ZNF804B: variants seen among roughly 807,000 people sequenced by gnomAD.
ZNF804B encodes the protein zinc finger 804B.
Under a neutral mutation model 101.4 loss-of-function variants are expected in ZNF804B, and 80 were observed. That is an observed-to-expected ratio of 0.79 (90% CI 0.66 to 0.95). The LOEUF (loss-of-function observed/expected upper bound fraction) is 0.95. Among genes scored for constraint, ZNF804B ranks in the 40% least tolerant of loss-of-function variants. The pLI is 0.00. For synonymous variants in ZNF804B, 622 were observed against 558.8 expected (o/e 1.11, Z -1.59); for missense variants, 1,673 against 1,561.9 (o/e 1.07, Z -1.20).
At chr7:89,082,695 T>A (rs1789713158) in intron 1 of ZNF804B, among the ~76,000 whole-genome samples, 2 of 151,770 alleles carry the variant, frequency 1.3e-5, no homozygotes, top group Admixed American at 1.3e-4. Flanking sequence ...TAAACTAACT[T>A]TTATGACTGA....
At chr7:89,035,153 T>C (rs1196626324) in intron 1 of ZNF804B, among the ~76,000 whole-genome samples, 1 of 152,144 alleles carries the variant, frequency 6.6e-6, no homozygotes, top group Non-Finnish European at 1.5e-5. Flanking sequence ...TGTTCTAAAC[T>C]AGATATCACA....
chr7:88,957,194 T>G (rs1379704389), intron 1 of ZNF804B, among the ~76,000 whole-genome samples: 2 of 151,486 alleles, frequency 1.3e-5, no homozygotes, highest in Non-Finnish European at 3.0e-5. Context: ...TCCCCACATC[T>G]TAGAGTTTAT....
intron 1 of ZNF804B, among the ~76,000 whole-genome samples, chr7:89,117,385 C>A (rs1790327072): frequency 6.6e-6 from 1 of 152,164 alleles, no homozygotes. Flanking sequence ...TCTCATATGT[C>A]TCTTCCAAAT....
chr7:89,254,360 C>A (rs1279815295), intron 2 of ZNF804B, among the ~76,000 whole-genome samples: 1 of 151,262 alleles, frequency 6.6e-6, no homozygotes, highest in Non-Finnish European at 1.5e-5. Context: ...ACAATAACAT[C>A]AAAAATATGA....
chr7:89,306,749 T>C (rs1790567682), intron 2 of ZNF804B, among the ~76,000 whole-genome samples: 1 of 151,778 alleles, frequency 6.6e-6, no homozygotes, highest in Non-Finnish European at 1.5e-5. Context: ...TTTATAGAAA[T>C]GGTTATAACT....
intron 1 of ZNF804B, among the ~76,000 whole-genome samples, chr7:88,952,321 CG>C (rs1793236185): frequency 6.6e-6 from 1 of 151,648 alleles, no homozygotes. Context: ...AGAATACTGG[CG>C]AGGCCTCAAA....
At chr7:89,057,615 A>G (rs1032486113) in intron 1 of ZNF804B, among the ~76,000 whole-genome samples, 1 of 152,146 alleles carries the variant, frequency 6.6e-6, no homozygotes, top group African/African-American at 2.4e-5. Context: ...ATCGATGTCC[A>G]GTGTAATAAA....
chr7:89,099,091 C>A (rs1318927162), intron 1 of ZNF804B, among the ~76,000 whole-genome samples: 1 of 149,208 alleles, frequency 6.7e-6, no homozygotes, highest in Non-Finnish European at 1.5e-5. Flanking sequence ...TATATTCACA[C>A]ACACACACAC....
At chr7:89,178,731 A>G (rs1788244554) in intron 1 of ZNF804B, among the ~76,000 whole-genome samples, 1 of 151,952 alleles carries the variant, frequency 6.6e-6, no homozygotes, top group Admixed American at 6.6e-5. Flanking sequence ...TAATATTCAT[A>G]TTTTTCTTTG....
chr7:89,192,057 A>C (rs1788463311), intron 1 of ZNF804B, among the ~76,000 whole-genome samples: 1 of 152,106 alleles, frequency 6.6e-6, no homozygotes, highest in Admixed American at 6.6e-5. Context: ...ATGGGAGCTT[A>C]AGGATTCTTA....
At chr7:89,036,152 G>A (rs976108323) in intron 1 of ZNF804B, among the ~76,000 whole-genome samples, 2 of 150,366 alleles carry the variant, frequency 1.3e-5, no homozygotes, top group Non-Finnish European at 1.5e-5. Flanking sequence ...ACCAAAATGG[G>A]TCATATATAG....
intron 1 of ZNF804B, among the ~76,000 whole-genome samples, chr7:89,160,791 T>A (rs1294951751): frequency 6.6e-6 from 1 of 152,150 alleles, no homozygotes; most frequent in African/African-American, 2.4e-5. Flanking sequence ...AATCCCCTCT[T>A]CATGCTAAGA....
intron 1 of ZNF804B, among the ~76,000 whole-genome samples, chr7:89,166,629 G>T (rs1791148013): frequency 6.6e-6 from 1 of 152,102 alleles, no homozygotes; most frequent in Non-Finnish European, 1.5e-5. Context: ...TCTGATTTTT[G>T]AGAGTACTTT....
At chr7:89,288,054 G>A (rs565709706) in intron 2 of ZNF804B, among the ~76,000 whole-genome samples, 47 of 151,660 alleles carry the variant, frequency 3.1e-4, no homozygotes, top group Non-Finnish European at 5.7e-4. Context: ...TACAACCAAA[G>A]ATGATCTAGA....
chr7:88,975,467 A>G (rs181188981), intron 1 of ZNF804B, among the ~76,000 whole-genome samples: 11 of 151,504 alleles, frequency 7.3e-5, no homozygotes, highest in African/African-American at 2.7e-4. Flanking sequence ...TAGGAAAAAA[A>G]AAGTGATTTT....
chr7:89,083,010 T>C (rs546885922), intron 1 of ZNF804B, among the ~76,000 whole-genome samples: 44 of 151,962 alleles, frequency 2.9e-4, no homozygotes, highest in African/African-American at 9.6e-4. Context: ...ATCTGTGTTT[T>C]GTTCATGTAA....
chr7:88,803,408 G>A (rs1278988577), intron 1 of ZNF804B, among the ~76,000 whole-genome samples: 3 of 152,126 alleles, frequency 2.0e-5, no homozygotes, highest in Admixed American at 6.6e-5. Context: ...AACAGTCCAG[G>A]AATTTTAGTC....
intron 2 of ZNF804B, among the ~76,000 whole-genome samples, chr7:89,225,607 C>T (rs1376249398): frequency 1.3e-5 from 2 of 151,930 alleles, no homozygotes; most frequent in Non-Finnish European, 2.9e-5. Flanking sequence ...ATACATTGAC[C>T]TATCATTGAC....
At chr7:89,246,408 T>C (rs73399117) in intron 2 of ZNF804B, among the ~76,000 whole-genome samples, 7,197 of 152,104 alleles carry the variant, frequency 0.047, 543 homozygotes, top group African/African-American at 0.16. Flanking sequence ...CCTGCTTGCC[T>C]GGACCAGCAG....
Sources: allele counts gnomAD v4.1 joint callset (sites outside exome capture counted in the v4.1 genomes callset), GRCh38; gene constraint gnomAD v4.1.1; transcripts MANE v1.5; gene names NCBI Gene and HGNC (gene_info 2026-07-23, HGNC 2026-07-21).